The following CDH13 variants were observed in gnomAD, a reference collection of about 807,000 sequenced individuals.
CDH13 encodes cadherin 13.
In CDH13, 24 loss-of-function variants were observed where a neutral mutation model predicts 63.8. That is an observed-to-expected ratio of 0.38 (90% CI 0.27 to 0.53). CDH13 has a LOEUF of 0.53. Among genes scored for constraint, CDH13 ranks in the 20% least tolerant of loss-of-function variants. The pLI is 0.85. For missense variants in CDH13, 1,049 were observed against 903.1 expected (o/e 1.16, Z -2.07); for synonymous variants, 503 against 355.3 (o/e 1.42, Z -4.67).
At chr16:83,039,002 C>T (rs946528749) in intron 3 of CDH13, among the ~76,000 whole-genome samples, 2 of 152,160 alleles carry the variant, frequency 1.3e-5, no homozygotes, top group African/African-American at 2.4e-5. Flanking sequence ...ACTGTACCTC[C>T]AGGCTTCGTC....
intron 8 of CDH13, among the ~76,000 whole-genome samples, chr16:83,664,334 A>G (rs1260952063): frequency 6.6e-6 from 1 of 152,172 alleles, no homozygotes; most frequent in African/African-American, 2.4e-5. Context: ...AAGACTTGCC[A>G]GTGAACAGAC....
intron 10 of CDH13, among the ~76,000 whole-genome samples, chr16:83,743,748 C>CCTTTTT (rs1912280138): frequency 3.9e-5 from 3 of 76,258 alleles, no homozygotes; most frequent in African/African-American, 1.7e-4. Flanking sequence ...TTTCTTTTTT[C>CCTTTTT]TTTTTTTTTT....
At chr16:83,588,192 C>T (rs1472713893) in intron 7 of CDH13, among the ~76,000 whole-genome samples, 1 of 152,170 alleles carries the variant, frequency 6.6e-6, no homozygotes, top group Non-Finnish European at 1.5e-5. Context: ...GAAGGACCTT[C>T]CCTGCACACT....
intron 3 of CDH13, among the ~76,000 whole-genome samples, chr16:83,113,463 C>T (rs1293615623): frequency 6.6e-6 from 1 of 152,218 alleles, no homozygotes; most frequent in Non-Finnish European, 1.5e-5. Context: ...TTTTTAGACA[C>T]CTGCTCTATG....
At chr16:83,492,138 C>G (rs1383081508) in intron 7 of CDH13, among the ~76,000 whole-genome samples, 2 of 152,074 alleles carry the variant, frequency 1.3e-5, no homozygotes, top group Non-Finnish European at 2.9e-5. Flanking sequence ...TAGCATGCAT[C>G]TCCAGAAACA....
At chr16:82,731,991 C>G (rs1281020525) in intron 1 of CDH13, among the ~76,000 whole-genome samples, 2 of 152,132 alleles carry the variant, frequency 1.3e-5, no homozygotes, top group Non-Finnish European at 2.9e-5. Flanking sequence ...CTACCTAACT[C>G]CTCCTTCTTT....
At chr16:83,063,289 T>C (rs2031736628) in intron 3 of CDH13, among the ~76,000 whole-genome samples, 2 of 152,148 alleles carry the variant, frequency 1.3e-5, no homozygotes, top group South Asian at 4.1e-4. Context: ...AGGGAGCAGG[T>C]CAACCATATG....
rs574896087 is a variant in CDH13, at chr16:82,838,867, C to G, written c.46-19495C>G. Among the ~76,000 whole-genome samples, 50 of 152,288 alleles carry G rather than the reference C, an allele frequency of 3.3e-4. No homozygotes were observed. In the Middle Eastern group the frequency reaches 0.017, roughly 52 times the overall value. On this transcript the variant is annotated intron_variant, in intron 1 of 13. Coordinates refer to ENST00000567109, the MANE Select transcript of CDH13 (RefSeq NM_001257.5). ...TCTGGCCTTATGTAAAGGTCCCTGC[C>G]CTCTGGCTTTTAGTGGGTTCAACCC...
intron 8 of CDH13, among the ~76,000 whole-genome samples, chr16:83,634,193 G>C (rs1466900039): frequency 1.3e-5 from 2 of 149,748 alleles, no homozygotes; most frequent in Non-Finnish European, 3.0e-5. Context: ...GTACAGATTT[G>C]TGTGACCACC....
chr16:83,161,360 T>C (rs544900812), intron 4 of CDH13, among the ~76,000 whole-genome samples: 6 of 152,278 alleles, frequency 3.9e-5, no homozygotes, highest in African/African-American at 1.4e-4. Context: ...ATCAAATAAA[T>C]AAATAAGGGT....
chr16:83,015,770 G>C (rs1037265981), intron 2 of CDH13, among the ~76,000 whole-genome samples: 2 of 141,274 alleles, frequency 1.4e-5, no homozygotes, highest in Admixed American at 7.3e-5. Flanking sequence ...GACTTGCCGT[G>C]GGTATGTGCA....
rs181305689 is a variant in CDH13 at position 82,851,904 on chromosome 16, C to G, written c.46-6458C>G. Among the ~76,000 whole-genome samples the G allele has an allele frequency of 9.8e-4, 149 of 152,286 alleles. 1 individual carries two copies. The highest frequency in any genetic ancestry group is 3.3e-3 in the African/African-American group (139 of 41,552). On this transcript the variant is annotated intron_variant, in intron 1 of 13. Coordinates refer to ENST00000567109, the MANE Select transcript of CDH13 (RefSeq NM_001257.5). ...CAAATCTAAGACCCTCCAAATTGAT[C>G]TCAATACACTGACTTTAACAAGAGT...
At chr16:83,010,135 C>CAAAAAAAAA (rs67985333) in intron 2 of CDH13, among the ~76,000 whole-genome samples, 2,689 of 49,870 alleles carry the variant, frequency 0.054, 400 homozygotes, top group Non-Finnish European at 0.06. Context: ...AACTCTGTCT[C>CAAAAAAAAA]AAAAAAAAAA....
chr16:83,139,105 T>G (rs1419150111), intron 4 of CDH13, among the ~76,000 whole-genome samples: 2 of 152,162 alleles, frequency 1.3e-5, no homozygotes, highest in Non-Finnish European at 2.9e-5. Context: ...CTGCTCCTCT[T>G]TGAAATAAAA....
intron 7 of CDH13, among the ~76,000 whole-genome samples, chr16:83,544,313 G>T (rs1409076107): frequency 6.6e-6 from 1 of 151,734 alleles, no homozygotes; most frequent in East Asian, 1.9e-4. Flanking sequence ...TGTGTAGTCT[G>T]GGTTTACATT....
chr16:83,520,931 AGAAGTGTTCACAG>A (rs542618499), intron 7 of CDH13, among the ~76,000 whole-genome samples: 1,538 of 152,252 alleles, frequency 0.01, 12 homozygotes, highest in Middle Eastern at 0.051. Flanking sequence ...CCCCACCAAG[AGAAGTGTTCACAG>A]GAAGTGCCTC....
At chr16:82,697,140 C>A (rs540262250) in intron 1 of CDH13, among the ~76,000 whole-genome samples, 8 of 152,264 alleles carry the variant, frequency 5.3e-5, no homozygotes, top group African/African-American at 1.7e-4. Flanking sequence ...CAGGTCCACA[C>A]TCAGAGGGAA....
chr16:83,031,184 A>G (rs1916275574), intron 2 of CDH13, among the ~76,000 whole-genome samples: 1 of 144,592 alleles, frequency 6.9e-6, no homozygotes, highest in Non-Finnish European at 1.5e-5. Flanking sequence ...ATGCGCATGT[A>G]TACACCATAT....
intron 5 of CDH13, among the ~76,000 whole-genome samples, chr16:83,275,455 C>T (rs1422183581): frequency 6.6e-6 from 1 of 152,180 alleles, no homozygotes; most frequent in Non-Finnish European, 1.5e-5. Flanking sequence ...GTAAAGAAGA[C>T]AGCACTGACA....
Sources: gnomAD v4.1 joint callset for allele counts (sites outside exome capture counted in the v4.1 genomes callset) on GRCh38, gnomAD v4.1.1 for gene constraint, MANE v1.5 for transcripts, NCBI Gene and HGNC (gene_info 2026-07-23, HGNC 2026-07-21) for gene names.